Variants in DAB1 observed in about 807,000 individuals in gnomAD.
The protein encoded by DAB1 is disabled homolog 1.
Under a neutral mutation model 64.6 loss-of-function variants are expected in DAB1, and 15 were observed. The ratio of observed to expected loss-of-function variants is 0.23; its 90% CI spans 0.16 to 0.36. DAB1 has a LOEUF of 0.36. Among genes scored for constraint, DAB1 ranks in the 10% least tolerant of loss-of-function variants. The pLI is 1.00. For synonymous variants in DAB1, 235 were observed against 251.9 expected (o/e 0.93, Z 0.64); for missense variants, 596 against 706.7 (o/e 0.84, Z 1.78).
intron 7 of DAB1, among the ~76,000 whole-genome samples, chr1:57,509,553 C>T (rs1393013575): frequency 6.6e-6 from 1 of 152,144 alleles, no homozygotes; most frequent in African/African-American, 2.4e-5. Flanking sequence ...CCTGCTCACT[C>T]CCTCACCCTA....
chr1:57,006,670 G>A (rs2100253634), intron 14 of DAB1, among the ~76,000 whole-genome samples: 1 of 152,212 alleles, frequency 6.6e-6, no homozygotes, highest in Middle Eastern at 3.4e-3. Context: ...AACTTAGGTT[G>A]GACTTGTCAT....
At chr1:57,585,069 T>G (rs373776796) in intron 7 of DAB1, among the ~76,000 whole-genome samples, 1 of 151,892 alleles carries the variant, frequency 6.6e-6, no homozygotes, top group Non-Finnish European at 1.5e-5. Flanking sequence ...GCCAACATGT[T>G]GAAACCTCGT....
intron 5 of DAB1, among the ~76,000 whole-genome samples, chr1:57,923,295 G>A (rs1211142157): frequency 1.3e-5 from 2 of 152,136 alleles, no homozygotes; most frequent in African/African-American, 4.8e-5. Flanking sequence ...TCCTAGCAAC[G>A]TGTGTTATGT....
At chr1:57,589,709 A>G (rs1194197229) in intron 7 of DAB1, among the ~76,000 whole-genome samples, 3 of 152,292 alleles carry the variant, frequency 2.0e-5, no homozygotes, top group African/African-American at 2.4e-5. Context: ...ATGAGCCGAA[A>G]TCATGACACT....
chr1:57,650,424 C>T (rs1219029170), intron 6 of DAB1, among the ~76,000 whole-genome samples: 2 of 151,264 alleles, frequency 1.3e-5, no homozygotes, highest in African/African-American at 4.9e-5. Flanking sequence ...GGATATTCAT[C>T]ATAGGGTTAT....
chr1:57,772,951 A>G (rs1245680540), intron 6 of DAB1, among the ~76,000 whole-genome samples: 3 of 152,126 alleles, frequency 2.0e-5, no homozygotes, highest in African/African-American at 4.8e-5. Flanking sequence ...AGTTAACTAC[A>G]GGCACACACA....
At chr1:57,070,077 C>A (rs1313754752) in intron 7 of DAB1, among the ~76,000 whole-genome samples, 3 of 152,198 alleles carry the variant, frequency 2.0e-5, no homozygotes, top group African/African-American at 4.8e-5. Flanking sequence ...AAGAGCACGT[C>A]ATTACGTGCA....
At chr1:57,023,449 T>A in intron 11 of DAB1, 82 bp downstream of exon 11, 2 of 793,788 alleles carry the variant, frequency 2.5e-6, no homozygotes, top group Admixed American at 4.1e-5. Flanking sequence ...TTTATCATCA[T>A]TCGGTGGCTG....
intron 5 of DAB1, among the ~76,000 whole-genome samples, chr1:57,893,736 C>A (rs1644351860): frequency 6.6e-6 from 1 of 152,096 alleles, no homozygotes; most frequent in Non-Finnish European, 1.5e-5. Context: ...TGTCAGGCAA[C>A]CATCAGGTGA....
Position 58,375,393 on chromosome 1 carries a change from G to A in DAB1, n.258-31990C>T, listed in dbSNP as rs1225902275. Among the ~76,000 whole-genome samples the A allele has an allele frequency of 1.7e-4, 23 of 136,240 alleles. No homozygotes were observed. The East Asian group carries it at 3.7e-3, about 22-fold the overall frequency. The allele number at this position is 136,240 out of a possible 152,430, so 89.4% of individuals were successfully genotyped here. ...TTATTGAGAGTTTTTAGCATGAAGG[G>A]TTGTTGAATTTTGTCAAAGGCTTTT... On this transcript the variant is annotated intron_variant and non_coding_transcript_variant, in intron 3 of 20. Transcript: ENST00000485760.
At chr1:57,575,538 T>G (rs1645240259) in intron 7 of DAB1, among the ~76,000 whole-genome samples, 1 of 152,052 alleles carries the variant, frequency 6.6e-6, no homozygotes, top group African/African-American at 2.4e-5. Flanking sequence ...AAAATGCAAA[T>G]GGCACCAGAT....
chr1:57,019,486 C>T (rs1317696560), intron 11 of DAB1, among the ~76,000 whole-genome samples: 1 of 152,152 alleles, frequency 6.6e-6, no homozygotes, highest in Non-Finnish European at 1.5e-5. Flanking sequence ...AAAAAGGCAG[C>T]ACAGGGTAAT....
At chr1:58,247,884 A>G (rs1303195663) in intron 4 of DAB1, among the ~76,000 whole-genome samples, 1 of 143,824 alleles carries the variant, frequency 7.0e-6, no homozygotes, top group Non-Finnish European at 1.5e-5. Flanking sequence ...CTGTCTCTCT[A>G]TTTCTCTTAG....
chr1:58,304,838 A>G lies in DAB1; in HGVS notation n.309+38514T>C, dbSNP rs1662269394. Among the ~76,000 whole-genome samples, 3 of 152,194 alleles carry G rather than the reference A, an allele frequency of 2.0e-5. No individual in the cohort carries two copies. In the East Asian group the frequency reaches 5.8e-4, roughly 29 times the overall value. On this transcript the variant is annotated intron_variant and non_coding_transcript_variant, in intron 4 of 20. Coordinates refer to the DAB1 transcript ENST00000485760. Reference sequence around the variant, plus strand: ...GAGAGAACTGCCTATCACAATAACGATGATCATTTCTGTATTCCCTTCCAC... The same window carrying G: ...GAGAGAACTGCCTATCACAATAACGGTGATCATTTCTGTATTCCCTTCCAC...
chr1:58,366,436 T>C (rs924224866), intron 3 of DAB1, among the ~76,000 whole-genome samples: 2 of 152,162 alleles, frequency 1.3e-5, no homozygotes, highest in African/African-American at 4.8e-5. Flanking sequence ...ACAACACAGC[T>C]AAAACACCAG....
chr1:57,048,107 C>T (rs1648757916), intron 9 of DAB1, among the ~76,000 whole-genome samples: 1 of 152,162 alleles, frequency 6.6e-6, no homozygotes, highest in African/African-American at 2.4e-5. Context: ...CCTCATTTTA[C>T]AGATGAATAC....
intron 1 of DAB1, among the ~76,000 whole-genome samples, chr1:57,847,122 C>G (rs548814648): frequency 6.6e-6 from 1 of 152,292 alleles, no homozygotes; most frequent in Non-Finnish European, 1.5e-5. Flanking sequence ...ATCACTATTC[C>G]TCTGAGGTTT....
At chr1:58,315,541 G>C (rs1662538563) in intron 4 of DAB1, among the ~76,000 whole-genome samples, 1 of 152,140 alleles carries the variant, frequency 6.6e-6, no homozygotes, top group Non-Finnish European at 1.5e-5. Context: ...GCTGATTCTT[G>C]GAGGAATTTA....
intron 7 of DAB1, among the ~76,000 whole-genome samples, chr1:57,477,909 A>T (rs1461602960): frequency 6.6e-6 from 1 of 151,876 alleles, no homozygotes; most frequent in Non-Finnish European, 1.5e-5. Flanking sequence ...ACTCTATCCT[A>T]TTTTTTTTAA....
Sources: gnomAD v4.1 joint callset for allele counts (sites outside exome capture counted in the v4.1 genomes callset) on GRCh38, gnomAD v4.1.1 for gene constraint, MANE v1.5 for transcripts, NCBI Gene and HGNC (gene_info 2026-07-23, HGNC 2026-07-21) for gene names.